ASB17: variants seen among roughly 807,000 people sequenced by gnomAD.
ASB17 encodes the protein ankyrin repeat and SOCS box containing 17.
In ASB17, 26 loss-of-function variants were observed where a neutral mutation model predicts 25.7. The observed-to-expected ratio is 1.01, with a 90% CI of 0.74 to 1.40. The LOEUF (loss-of-function observed/expected upper bound fraction) is 1.40, where lower values mean the gene tolerates loss of function less well. Ranked by LOEUF, ASB17 falls within the 40% of genes most tolerant of loss-of-function variation. The pLI is 0.00. For missense variants in ASB17, 326 were observed against 338.5 expected (o/e 0.96, Z 0.29); for synonymous variants, 128 against 121.4 (o/e 1.05, Z -0.36).
At chr1:75,920,591 G>C (rs1035071568) in intron 2 of ASB17, among the ~76,000 whole-genome samples, 1 of 152,206 alleles carries the variant, frequency 6.6e-6, no homozygotes, top group African/African-American at 2.4e-5. Context: ...GTGTGGAAAT[G>C]CAGAACAGAG....
chr1:75,920,160 T>C (rs1322764159), intron 2 of ASB17, among the ~76,000 whole-genome samples: 4 of 152,188 alleles, frequency 2.6e-5, no homozygotes, highest in Non-Finnish European at 5.9e-5. Context: ...TCAACCATTG[T>C]AGAGTAAAGC....
At chr1:75,929,662 C>T (rs1653270497) in intron 1 of ASB17, among the ~76,000 whole-genome samples, 1 of 152,098 alleles carries the variant, frequency 6.6e-6, no homozygotes, top group African/African-American at 2.4e-5. Context: ...GCTTCTGAGT[C>T]AATAACAGAT....
In ASB17 at chr1:75,932,142, T is replaced by C. The variant is rs752253768; in HGVS notation, c.150A>G (p.Ser50=). The C allele has an allele frequency of 1.2e-5, 19 of 1,614,042 alleles. No individual in the cohort carries two copies. In the East Asian group the frequency reaches 3.8e-4, roughly 32 times the overall value. Residue 50 remains serine (S), a synonymous_variant, in exon 1 of 3, where the codon TCA becomes TCG. Coordinates refer to ENST00000284142, the MANE Select transcript of ASB17 (RefSeq NM_080868.3). ...CCACATACCTCAGAATTTTTGCCAGTGATCTGTAAATCCTTGGTTCGTAAC... is the reference window on the plus strand; with the variant it reads ...CCACATACCTCAGAATTTTTGCCAGCGATCTGTAAATCCTTGGTTCGTAAC... ...YHCYEPRIYR[S]LAKILRYVDL...
chr1:75,922,382 A>T, intron 1 of ASB17, 23 bp from the exon 2 acceptor site: 1 of 1,513,126 alleles, frequency 6.6e-7, no homozygotes, highest in Non-Finnish European at 8.8e-7. Context: ...CAAAACAAAA[A>T]CTCATTGGAT....
intron 2 of ASB17, among the ~76,000 whole-genome samples, chr1:75,920,751 T>C (rs1385171218): frequency 1.3e-5 from 2 of 151,452 alleles, no homozygotes; most frequent in African/African-American, 2.4e-5. Flanking sequence ...ACTCACTCTG[T>C]CCTAGTGCTT....
In ASB17 at chr1:75,922,310, G is replaced by T. The variant is rs756120840; in HGVS notation, c.451C>A (p.Leu151Ile). Reference protein sequence around the residue: ...CPSPLSGITPLFYVAQTRQSN... With the variant: ...CPSPLSGITPIFYVAQTRQSN... ...TGTCTTGTCTGAGCTACATAAAAGA[G>T]AGGTGTGATGCCACTTAATGGGCTT... Residue 151 changes from leucine (L) to isoleucine (I), a missense_variant, in exon 2 of 3, where the codon CTC becomes ATC. Physicochemically the swap from Leu to Ile is conservative, Grantham distance 5. Transcript: ENST00000284142. The T allele has an allele frequency of 6.2e-7, 1 of 1,613,460 alleles. No homozygotes were observed. The highest frequency in any genetic ancestry group is 1.1e-5 in the South Asian group (1 of 91,066).
rs919328236 is a variant in ASB17, at chr1:75,928,778, C to T, written c.401+3113G>A. Among the ~76,000 whole-genome samples the T allele has an allele frequency of 2.0e-5, 3 of 152,298 alleles. No homozygotes were observed. The East Asian group carries it at 5.8e-4, about 29-fold the overall frequency. Reference sequence around the variant, plus strand: ...CTTCAAAATTCACTTACTCATTCAACAAAATCTTGATTGAGCAGTTGCTAC... The same window carrying T: ...CTTCAAAATTCACTTACTCATTCAATAAAATCTTGATTGAGCAGTTGCTAC... On this transcript the variant is annotated intron_variant, in intron 1 of 2. Coordinates refer to ENST00000284142, the MANE Select transcript of ASB17 (RefSeq NM_080868.3).
At chr1:75,931,188 G>A (rs1265764385) in intron 1 of ASB17, among the ~76,000 whole-genome samples, 1 of 152,152 alleles carries the variant, frequency 6.6e-6, no homozygotes, top group African/African-American at 2.4e-5. Flanking sequence ...CTGAATGAAT[G>A]AACACATGAA....
chr1:75,922,246 AAG>A lies in ASB17; in HGVS notation c.513_514del (p.Leu172ArgfsTer25). 1 of 1,613,528 alleles carries A rather than the reference AAG, an allele frequency of 6.2e-7. No homozygotes were observed. Among genetic ancestry groups the A allele is most frequent in the South Asian group, 1.1e-5 (1 of 91,064 alleles). ...GTTGATAGGGTTTTTTTCTCTTTCT[AAG>A]ATTCCATATTGCAGTAGTATTTTGA... On this transcript the variant is annotated frameshift_variant, in exon 2 of 3. Coordinates refer to ENST00000284142, the MANE Select transcript of ASB17 (RefSeq NM_080868.3). LOFTEE classifies it high-confidence loss of function.
chr1:75,921,851 A>G (rs561775272), intron 2 of ASB17, among the ~76,000 whole-genome samples: 1 of 152,204 alleles, frequency 6.6e-6, no homozygotes, highest in South Asian at 2.1e-4. Context: ...TCTACTTAAT[A>G]CTAAAATGAA....
intron 2 of ASB17, among the ~76,000 whole-genome samples, chr1:75,920,113 A>G (rs2100607028): frequency 6.6e-6 from 1 of 152,364 alleles, no homozygotes; most frequent in East Asian, 1.9e-4. Flanking sequence ...GGGGTTGGAC[A>G]CAGACAACCT....
intron 1 of ASB17, among the ~76,000 whole-genome samples, chr1:75,927,431 T>C (rs1653201142): frequency 6.6e-6 from 1 of 152,138 alleles, no homozygotes; most frequent in Admixed American, 6.5e-5. Context: ...TGTAATTCTG[T>C]CTAAAAATCT....
chr1:75,926,329 G>A (rs1165941494), intron 1 of ASB17, among the ~76,000 whole-genome samples: 4 of 152,152 alleles, frequency 2.6e-5, no homozygotes, highest in East Asian at 3.8e-4. Context: ...GGGCTGGTAC[G>A]GTCAGGGCAT....
intron 1 of ASB17, among the ~76,000 whole-genome samples, chr1:75,925,196 G>A (rs981822048): frequency 1.3e-5 from 2 of 151,966 alleles, no homozygotes; most frequent in Non-Finnish European, 2.9e-5. Context: ...AATTCCCTGA[G>A]TTTATCCTGT....
At chr1:75,929,391 A>ATT (rs34917597) in intron 1 of ASB17, among the ~76,000 whole-genome samples, 2,441 of 145,948 alleles carry the variant, frequency 0.017, 83 homozygotes, top group African/African-American at 0.058. Context: ...CGCCCAGCTA[A>ATT]TTTTTTTTTT....
chr1:75,929,209 T>TTTA (rs1557545274), intron 1 of ASB17, among the ~76,000 whole-genome samples: 15 of 151,236 alleles, frequency 9.9e-5, no homozygotes, highest in Non-Finnish European at 1.5e-4. Flanking sequence ...TTTTATTTTT[T>TTTA]TTTATTTATT....
intron 2 of ASB17, 57 bp from the exon 3 acceptor site, chr1:75,919,215 A>G: frequency 2.6e-6 from 3 of 1,151,054 alleles, no homozygotes; most frequent in Non-Finnish European, 2.4e-6. Flanking sequence ...GATTAGTCCA[A>G]ATTATTAAAA....
intron 1 of ASB17, among the ~76,000 whole-genome samples, chr1:75,927,693 C>A (rs1176397746): frequency 6.6e-6 from 1 of 152,060 alleles, no homozygotes; most frequent in Admixed American, 6.5e-5. Context: ...CAACTCTTCC[C>A]ACATAGAACA....
At chr1:75,930,929 G>T (rs1653306776) in intron 1 of ASB17, among the ~76,000 whole-genome samples, 1 of 152,058 alleles carries the variant, frequency 6.6e-6, no homozygotes, top group African/African-American at 2.4e-5. Flanking sequence ...CCATTTGGTA[G>T]TTTTGTTTAT....
Sources: gnomAD v4.1 joint callset for allele counts (sites outside exome capture counted in the v4.1 genomes callset) on GRCh38, gnomAD v4.1.1 for gene constraint, MANE v1.5 for transcripts, NCBI Gene and HGNC (gene_info 2026-07-23, HGNC 2026-07-21) for gene names.